The following AAK1 variants were observed in gnomAD, a reference collection of about 807,000 sequenced individuals.
AAK1 encodes the protein AP2-associated protein kinase 1.
Under a neutral mutation model 116.0 loss-of-function variants are expected in AAK1, and 37 were observed. The ratio of observed to expected loss-of-function variants is 0.32; its 90% confidence interval spans 0.25 to 0.42. The LOEUF is 0.42. AAK1 is among the 10% of genes least tolerant of loss of function. AAK1 has a pLI of 1.00. For missense variants in AAK1, 919 were observed against 1,170.6 expected (o/e 0.79, Z 3.14); for synonymous variants, 458 against 439.9 (o/e 1.04, Z -0.51).
chr2:69,473,167 T>G lies in AAK1; in HGVS notation c.*2702A>C. ...TGCCTGCTGAAGGTCACTCAGCCAG[T>G]GGCTGGCAAGGGCCAGGATGAGATC... On this transcript the variant is annotated 3_prime_UTR_variant, in exon 22 of 22. Coordinates refer to ENST00000409085, the MANE Select transcript of AAK1 (RefSeq NM_014911.5). 6.4e-6 allele frequency: 5 copies of G among 785,010 alleles called. No homozygotes were observed. The highest frequency in any genetic ancestry group is 7.7e-6 in the Non-Finnish European group (5 of 647,088). 48.6% of individuals were successfully genotyped at this position (785,010 alleles called of 1,614,324 possible).
chr2:69,580,741 G>A (rs1672507486), intron 2 of AAK1, among the ~76,000 whole-genome samples: 1 of 152,150 alleles, frequency 6.6e-6, no homozygotes. Context: ...TAATACATTT[G>A]AATCCACTCA....
chr2:69,572,831 A>G (rs917131977), intron 2 of AAK1, among the ~76,000 whole-genome samples: 3 of 152,066 alleles, frequency 2.0e-5, no homozygotes, highest in Non-Finnish European at 4.4e-5. Flanking sequence ...AGGTCAAGAC[A>G]TTCCTCCGGG....
chr2:69,642,301 T>C (rs1303969627), intron 2 of AAK1, among the ~76,000 whole-genome samples: 2 of 152,232 alleles, frequency 1.3e-5, no homozygotes, highest in Non-Finnish European at 2.9e-5. Context: ...GTAATTTCTG[T>C]TATCTTTGCT....
intron 14 of AAK1, 111 bp from the exon 15 acceptor site, chr2:69,507,689 A>G: frequency 9.0e-7 from 1 of 1,110,428 alleles, no homozygotes; most frequent in Non-Finnish European, 1.2e-6. Flanking sequence ...GGGTCAAACC[A>G]TCATTTTCCA....
At chr2:69,513,421 G>A (rs542328625) in intron 13 of AAK1, among the ~76,000 whole-genome samples, 8 of 152,062 alleles carry the variant, frequency 5.3e-5, no homozygotes, top group South Asian at 2.1e-4. Context: ...CCGGGTTCAC[G>A]CCATTCTCCT....
chr2:69,525,712 T>C (rs1000816842), intron 9 of AAK1, among the ~76,000 whole-genome samples: 5 of 152,184 alleles, frequency 3.3e-5, no homozygotes, highest in African/African-American at 1.2e-4. Context: ...TAATGCCTCA[T>C]GAGGGAGCAC....
chr2:69,468,711 T>G lies in AAK1; in HGVS notation c.*7158A>C, dbSNP rs1190390883. 5.1e-6 allele frequency: 5 copies of G among 985,322 alleles called. No homozygotes were observed. The African/African-American group carries it at 8.7e-5, about 17-fold the overall frequency. The allele number at this position is 985,322 out of a possible 1,614,324, so 61.0% of individuals were successfully genotyped here. On this transcript the variant is annotated 3_prime_UTR_variant, in exon 22 of 22. Coordinates refer to ENST00000409085, the MANE Select transcript of AAK1 (RefSeq NM_014911.5). ...GACTGGCAAAAAAGCAGCTATCTAT[T>G]GAACCAGGGGCACTTTGGATGCCTG...
At chr2:69,531,769 A>T (rs1670267311) in intron 6 of AAK1, 2 of 1,163,310 alleles carry the variant, frequency 1.7e-6, no homozygotes, top group African/African-American at 3.2e-5. Context: ...AGGCTCTGTG[A>T]CATCATAAAT....
At position 69,496,050 on chromosome 2, in the gene AAK1, T is replaced by G; in HGVS notation, c.2300A>C (p.Asp767Ala). ...CACGCTTAGAAGCGGGAGGCCAGAG[T>G]CCACAGTCTGCCCACCCTTCCTTTT... ...AEKRKGGQTV[D>A]SGLPLLSVSD... The change falls in exon 17 of 22, where the codon GAC (aspartate) becomes GCC (alanine). Residue 767 changes from aspartate to alanine, a missense_variant. Around this residue, in one of 4 missense-constraint regions of AAK1, gnomAD observed 263 missense variants for 285.5 expected, o/e 0.92. Transcript: ENST00000409085. 6.4e-7 allele frequency: 1 copy of G among 1,555,394 alleles called. No individual in the cohort carries two copies. The highest frequency in any genetic ancestry group is 8.7e-7 in the Non-Finnish European group (1 of 1,149,238).
At position 69,470,359 on chromosome 2, in the gene AAK1, G is replaced by C; in HGVS notation, c.*5510C>G. ...AAACGTAAAATTTTAGAACCAAACT[G>C]GGGAAATCAAGAGACGTACATCAAA... On this transcript the variant is annotated 3_prime_UTR_variant, in exon 22 of 22. Transcript: ENST00000409085. 1 of 985,386 alleles carries C rather than the reference G, an allele frequency of 1.0e-6. No homozygotes were observed. Among genetic ancestry groups the C allele is most frequent in the Non-Finnish European group, 1.2e-6 (1 of 829,934 alleles). The allele number at this position is 985,386 out of a possible 1,614,324, so 61.0% of individuals were successfully genotyped here. A position where few individuals can be genotyped will look rare whatever the true frequency, so the allele number is the denominator to read the frequency against.
chr2:69,551,898 C>A (rs1470218433), intron 3 of AAK1, among the ~76,000 whole-genome samples: 1 of 152,238 alleles, frequency 6.6e-6, no homozygotes, highest in African/African-American at 2.4e-5. Flanking sequence ...AAACCGCTAA[C>A]AGTTCTCTTT....
Position 69,605,964 on chromosome 2 carries a change from G to C in AAK1, c.163+36914C>G, listed in dbSNP as rs1334399835. 2.6e-5 allele frequency among the ~76,000 whole-genome samples: 4 copies of C among 152,204 alleles called. No individual in the cohort carries two copies. The East Asian group carries it at 7.7e-4, about 29-fold the overall frequency. ...GGATGTGATCCAGAGCTACTGTTCA[G>C]CCCATTCCTCCCCTCCACCCCCATG... On this transcript the variant is annotated intron_variant, in intron 2 of 21. Coordinates refer to ENST00000409085, the MANE Select transcript of AAK1 (RefSeq NM_014911.5).
At chr2:69,638,415 CTT>C (rs978446804) in intron 2 of AAK1, among the ~76,000 whole-genome samples, 3 of 152,194 alleles carry the variant, frequency 2.0e-5, no homozygotes, top group Admixed American at 6.5e-5. Context: ...TCGCTGCTCC[CTT>C]TCCCCACAAT....
At chr2:69,582,116 C>A (rs1199004350) in intron 2 of AAK1, among the ~76,000 whole-genome samples, 1 of 152,086 alleles carries the variant, frequency 6.6e-6, no homozygotes, top group Non-Finnish European at 1.5e-5. Context: ...ATATGTATTA[C>A]ATCACTGATA....
At chr2:69,629,221 C>T (rs1559016677) in intron 2 of AAK1, among the ~76,000 whole-genome samples, 1 of 152,170 alleles carries the variant, frequency 6.6e-6, no homozygotes, top group African/African-American at 2.4e-5. Context: ...TGCTCACTAC[C>T]CCAAATACAA....
intron 2 of AAK1, among the ~76,000 whole-genome samples, chr2:69,630,801 T>C (rs1675142595): frequency 6.6e-6 from 1 of 152,170 alleles, no homozygotes; most frequent in Non-Finnish European, 1.5e-5. Flanking sequence ...AAGACAGTAT[T>C]GGATATCAGG....
rs982060967 is a variant in AAK1, at chr2:69,525,122, T to C, written c.976-10A>G. 1.5e-5 allele frequency: 24 copies of C among 1,613,418 alleles called. No individual in the cohort carries two copies. The highest frequency in any genetic ancestry group is 2.0e-5 in the Non-Finnish European group (23 of 1,179,434). Reference sequence around the variant, plus strand: ...CAGGAATGGGAGAGTTCTATAGAATTGCAAACAAAACAGAACAAAACAAAA... The same window carrying C: ...CAGGAATGGGAGAGTTCTATAGAATCGCAAACAAAACAGAACAAAACAAAA... On this transcript the variant is annotated splice_polypyrimidine_tract_variant and intron_variant, in intron 9 of 21. Coordinates refer to ENST00000409085, the MANE Select transcript of AAK1 (RefSeq NM_014911.5).
At position 69,475,765 on chromosome 2, in the gene AAK1, T is replaced by G; in HGVS notation, c.*104A>C. The G allele has an allele frequency of 6.7e-7, 1 of 1,487,742 alleles. No homozygotes were observed. The highest frequency in any genetic ancestry group is 9.0e-7 in the Non-Finnish European group (1 of 1,111,238). The allele number at this position is 1,487,742 out of a possible 1,614,324, so 92.2% of individuals were successfully genotyped here. A position where few individuals can be genotyped will look rare whatever the true frequency, so the allele number is the denominator to read the frequency against. On this transcript the variant is annotated 3_prime_UTR_variant, in exon 22 of 22. Transcript: ENST00000409085. The stretch of plus-strand genomic sequence containing the variant: ...AGGAGAAAAGGGCTGGAGGGCCCCT[T>G]ATTTGCAGATTTTTTTAAAAAAATC...
In AAK1 at chr2:69,475,992, C is replaced by A. The variant is rs749805703; in HGVS notation, c.2792-29G>T. ...GAAGTGGAGAGATAGGAATTCAGTA[C>A]AAAACATAGAGGGTTAAGGTTTAGA... On this transcript the variant is annotated intron_variant, in intron 21 of 21. Transcript: ENST00000409085. 26 of 1,593,542 alleles carry A rather than the reference C, an allele frequency of 1.6e-5. 4 individuals carry two copies. Among genetic ancestry groups the A allele is most frequent in the Middle Eastern group, 3.3e-4 (2 of 6,040 alleles).
Sources: allele counts gnomAD v4.1 joint callset (sites outside exome capture counted in the v4.1 genomes callset), GRCh38; gene constraint gnomAD v4.1.1; regional missense constraint gnomAD v4.1.1; transcripts MANE v1.5; gene names NCBI Gene and HGNC (gene_info 2026-07-23, HGNC 2026-07-21).